Variants in TRPS1 observed in about 807,000 individuals in gnomAD.
TRPS1 encodes transcriptional repressor GATA binding 1.
Under a neutral mutation model 101.2 loss-of-function variants are expected in TRPS1, and 6 were observed. The observed-to-expected ratio is 0.06, with a 90% CI of 0.03 to 0.12. TRPS1 has a LOEUF of 0.12. Among genes scored for constraint, TRPS1 ranks in the 10% least tolerant of loss-of-function variants. The pLI is 1.00. For synonymous variants in TRPS1, 578 were observed against 589.8 expected (o/e 0.98, Z 0.29); for missense variants, 1,363 against 1,567.0 (o/e 0.87, Z 2.20).
At chr8:115,610,151 A>G (rs906157420) in intron 3 of TRPS1, among the ~76,000 whole-genome samples, 2 of 152,208 alleles carry the variant, frequency 1.3e-5, no homozygotes. Context: ...TATAATTGAT[A>G]GCAACAGAGA....
chr8:115,446,064 C>T (rs1813726806), intron 5 of TRPS1, among the ~76,000 whole-genome samples: 1 of 152,002 alleles, frequency 6.6e-6, no homozygotes, highest in Non-Finnish European at 1.5e-5. Context: ...GTGAAATGCA[C>T]CATTTTGGCT....
intron 5 of TRPS1, among the ~76,000 whole-genome samples, chr8:115,522,570 G>A (rs898784166): frequency 6.6e-6 from 1 of 152,058 alleles, no homozygotes; most frequent in African/African-American, 2.4e-5. Flanking sequence ...AGAGGTGAGA[G>A]CTGACTCAGT....
chr8:115,459,803 C>T (rs1231193127), intron 5 of TRPS1, among the ~76,000 whole-genome samples: 1 of 152,176 alleles, frequency 6.6e-6, no homozygotes, highest in Non-Finnish European at 1.5e-5. Flanking sequence ...ATCCACATGT[C>T]TCTCAAGCTT....
intron 5 of TRPS1, among the ~76,000 whole-genome samples, chr8:115,449,508 C>T (rs1287805671): frequency 2.6e-5 from 4 of 152,166 alleles, no homozygotes; most frequent in African/African-American, 7.2e-5. Context: ...CAACAAATCT[C>T]TCATTGCAAA....
At chr8:115,654,938 T>C (rs149058332) in intron 1 of TRPS1, among the ~76,000 whole-genome samples, 237 of 152,290 alleles carry the variant, frequency 1.6e-3, no homozygotes, top group African/African-American at 5.5e-3. Context: ...CTCATATCCA[T>C]GTGCAAAAGG....
chr8:115,532,554 A>G (rs111416648), intron 5 of TRPS1, among the ~76,000 whole-genome samples: 3,259 of 152,282 alleles, frequency 0.021, 120 homozygotes, highest in African/African-American at 0.069. Context: ...TAAAATATAC[A>G]GGACAGAGCT....
intron 1 of TRPS1, among the ~76,000 whole-genome samples, chr8:115,626,147 G>A (rs996744782): frequency 4.0e-5 from 6 of 151,264 alleles, no homozygotes; most frequent in Non-Finnish European, 7.4e-5. Context: ...TCCCCACAAA[G>A]AATTTAAAGA....
At chr8:115,501,647 CA>C (rs1563557167) in intron 5 of TRPS1, among the ~76,000 whole-genome samples, 1 of 152,106 alleles carries the variant, frequency 6.6e-6, no homozygotes, top group Non-Finnish European at 1.5e-5. Flanking sequence ...CAAAACCAAA[CA>C]AAAAACCCAG....
intron 5 of TRPS1, among the ~76,000 whole-genome samples, chr8:115,538,459 T>C (rs1273175113): frequency 6.6e-6 from 1 of 152,184 alleles, no homozygotes; most frequent in Non-Finnish European, 1.5e-5. Flanking sequence ...CTAGCACCAT[T>C]TGGTGCTTCT....
intron 5 of TRPS1, among the ~76,000 whole-genome samples, chr8:115,584,594 T>A (rs538144860): frequency 1.3e-5 from 2 of 151,974 alleles, no homozygotes; most frequent in African/African-American, 4.8e-5. Context: ...TACTTTTTTT[T>A]TGGCCTTTAG....
chr8:115,616,972 A>G (rs1818289506), intron 3 of TRPS1, among the ~76,000 whole-genome samples: 2 of 152,198 alleles, frequency 1.3e-5, no homozygotes, highest in South Asian at 2.1e-4. Flanking sequence ...CAGCATGAAG[A>G]TACTAATAAG....
intron 5 of TRPS1, among the ~76,000 whole-genome samples, chr8:115,443,229 C>T (rs1015538250): frequency 8.5e-5 from 13 of 152,156 alleles, no homozygotes; most frequent in African/African-American, 2.2e-4. Context: ...GACATCATGC[C>T]ACTGCACTCC....
At chr8:115,615,387 A>G (rs1818254854) in intron 3 of TRPS1, among the ~76,000 whole-genome samples, 1 of 152,216 alleles carries the variant, frequency 6.6e-6, no homozygotes, top group Non-Finnish European at 1.5e-5. Flanking sequence ...ACAGCGCATT[A>G]CACCCTAATG....
chr8:115,411,118 C>CA lies in TRPS1; in HGVS notation c.*2904dup, dbSNP rs1812779294. On this transcript the variant is annotated 3_prime_UTR_variant, in exon 7 of 7. Transcript: ENST00000395715. ...ACCAAAATATGTATAATAATGAAAGCAAAAAATGAAAATAAAATTATCAAT... is the reference window on the plus strand; with the variant it reads ...ACCAAAATATGTATAATAATGAAAGCAAAAAAATGAAAATAAAATTATCAAT... 6.6e-6 allele frequency: 1 copy of CA among 151,480 alleles called. No homozygotes were observed. The highest frequency in any genetic ancestry group is 2.4e-5 in the African/African-American group (1 of 41,202). The allele number at this position is 151,480 out of a possible 1,614,324, so 9.4% of individuals were successfully genotyped here. A position where few individuals can be genotyped will look rare whatever the true frequency, so the allele number is the denominator to read the frequency against.
intron 5 of TRPS1, among the ~76,000 whole-genome samples, chr8:115,502,410 T>C (rs1028772097): frequency 2.6e-5 from 4 of 152,164 alleles, no homozygotes; most frequent in Non-Finnish European, 5.9e-5. Flanking sequence ...TCCCTCCCCT[T>C]ATTTCTTTGA....
intron 5 of TRPS1, chr8:115,515,205 T>C (rs1280142480): frequency 1.4e-6 from 1 of 694,904 alleles, no homozygotes; most frequent in African/African-American, 1.8e-5. Context: ...ATTAATAAGA[T>C]CTTCATGGAA....
chr8:115,503,600 T>C (rs1262684899), intron 5 of TRPS1, among the ~76,000 whole-genome samples: 2 of 152,170 alleles, frequency 1.3e-5, no homozygotes, highest in Non-Finnish European at 2.9e-5. Context: ...ATCTAAAAAA[T>C]TAGAAGGCTA....
intron 5 of TRPS1, among the ~76,000 whole-genome samples, chr8:115,491,313 A>G (rs950814295): frequency 6.6e-6 from 1 of 152,172 alleles, no homozygotes; most frequent in Non-Finnish European, 1.5e-5. Context: ...TTTACATGGG[A>G]TTTAAATTCC....
intron 5 of TRPS1, among the ~76,000 whole-genome samples, chr8:115,470,443 A>C (rs1169611869): frequency 6.6e-6 from 1 of 152,190 alleles, no homozygotes; most frequent in Non-Finnish European, 1.5e-5. Flanking sequence ...TAATTTCATA[A>C]AAGATCATTG....
Sources: gnomAD v4.1 joint callset for allele counts (sites outside exome capture counted in the v4.1 genomes callset) on GRCh38, gnomAD v4.1.1 for gene constraint, MANE v1.5 for transcripts, NCBI Gene and HGNC (gene_info 2026-07-23, HGNC 2026-07-21) for gene names.